TRIO: variants seen among roughly 807,000 people sequenced by gnomAD.
TRIO encodes trio Rho guanine nucleotide exchange factor.
Under a neutral mutation model 351.9 loss-of-function variants are expected in TRIO, and 58 were observed. The ratio of observed to expected loss-of-function variants is 0.16; its 90% CI spans 0.13 to 0.21. TRIO has a LOEUF of 0.21. Among genes scored for constraint, TRIO ranks in the 10% least tolerant of loss-of-function variants. TRIO has a pLI of 1.00. For missense variants in TRIO, 3,201 were observed against 4,027.8 expected (o/e 0.79, Z 5.56); for synonymous variants, 1,758 against 1,595.7 (o/e 1.10, Z -2.42).
chr5:14,484,778 GC>G (rs1755796604), intron 46 of TRIO, among the ~76,000 whole-genome samples: 1 of 151,366 alleles, frequency 6.6e-6, no homozygotes, highest in South Asian at 2.1e-4. Context: ...CCACCCCCAA[GC>G]CCCTGGCAAC....
intron 34 of TRIO, among the ~76,000 whole-genome samples, chr5:14,455,894 C>G (rs961486283): frequency 1.2e-4 from 18 of 152,276 alleles, no homozygotes; most frequent in African/African-American, 3.9e-4. Flanking sequence ...TGCACACCTG[C>G]ACTCCTCAGC....
chr5:14,363,479 A>G (rs1163953825), intron 13 of TRIO, among the ~76,000 whole-genome samples: 1 of 152,122 alleles, frequency 6.6e-6, no homozygotes, highest in East Asian at 1.9e-4. Flanking sequence ...AAAATTATTT[A>G]TCTTCTCTTT....
At chr5:14,228,526 A>G (rs1184415705) in intron 1 of TRIO, among the ~76,000 whole-genome samples, 2 of 152,270 alleles carry the variant, frequency 1.3e-5, no homozygotes, top group Non-Finnish European at 2.9e-5. Flanking sequence ...GTCACTCAGT[A>G]GCCCATCTCG....
intron 21 of TRIO, 63 bp downstream of exon 21, chr5:14,381,315 A>T: frequency 6.5e-7 from 1 of 1,527,978 alleles, no homozygotes. Flanking sequence ...CAAAAATATC[A>T]TAAAGAAATA....
chr5:14,400,304 A>T (rs931780190), intron 30 of TRIO, among the ~76,000 whole-genome samples: 1 of 152,116 alleles, frequency 6.6e-6, no homozygotes, highest in Non-Finnish European at 1.5e-5. Context: ...AGAAGTTAAG[A>T]TTCCCTCAGA....
intron 28 of TRIO, among the ~76,000 whole-genome samples, chr5:14,395,161 AAGT>A (rs1747452572): frequency 6.6e-6 from 1 of 152,232 alleles, no homozygotes; most frequent in African/African-American, 2.4e-5. Context: ...AGACAGTAAT[AAGT>A]AGCTACATCG....
In TRIO at chr5:14,403,453, TGTG is replaced by T. The variant is rs1274629355; in HGVS notation, c.4717-2391_4717-2389del. 1.4e-3 allele frequency among the ~76,000 whole-genome samples: 42 copies of T among 30,484 alleles called. 1 individual carries two copies. The highest frequency in any genetic ancestry group is 2.2e-3 in the Non-Finnish European group (33 of 15,326). 20.0% of individuals were successfully genotyped at this position (30,484 alleles called of 152,430 possible). On this transcript the variant is annotated intron_variant, in intron 31 of 56. Coordinates refer to ENST00000344204, the MANE Select transcript of TRIO (RefSeq NM_007118.4). ...TGTAGGTTGTGGTGAGGGTGTAGGT[TGTG>T]GTGAGGGTGCAGGTTGTGGTGAGGG...
chr5:14,260,914 A>G (rs1795305009), intron 1 of TRIO, among the ~76,000 whole-genome samples: 2 of 152,216 alleles, frequency 1.3e-5, no homozygotes, highest in Admixed American at 1.3e-4. Context: ...AAATGAATCA[A>G]CACAGAATAC....
chr5:14,481,738 C>A, intron 45 of TRIO, 120 bp downstream of exon 45: 12 of 687,894 alleles, frequency 1.7e-5, no homozygotes, highest in Non-Finnish European at 2.9e-5. Flanking sequence ...TGGCTTCTCT[C>A]ACTTTACCTC....
At chr5:14,400,322 T>C (rs987476408) in intron 30 of TRIO, among the ~76,000 whole-genome samples, 3 of 152,140 alleles carry the variant, frequency 2.0e-5, no homozygotes, top group South Asian at 2.1e-4. Flanking sequence ...AGAGGCTACC[T>C]CTGGAGCTCT....
chr5:14,481,335 C>A, intron 44 of TRIO, 51 bp downstream of exon 44: 1 of 1,605,654 alleles, frequency 6.2e-7, no homozygotes. Context: ...GCCTCTTTTC[C>A]TAATCCCCAA....
In TRIO at chr5:14,317,535, G is replaced by A. The variant is rs558976708; in HGVS notation, c.1731+792G>A. 7.2e-5 allele frequency among the ~76,000 whole-genome samples: 11 copies of A among 152,304 alleles called. No homozygotes were observed. The South Asian group carries it at 2.3e-3, about 32-fold the overall frequency. On this transcript the variant is annotated intron_variant, in intron 9 of 56. Coordinates refer to ENST00000344204, the MANE Select transcript of TRIO (RefSeq NM_007118.4). ...AGTAGAGCCACTCTCAGGATCTCAG[G>A]TTTCCATCTCCCTGAGTGTCATGTG...
intron 1 of TRIO, among the ~76,000 whole-genome samples, chr5:14,229,461 G>T (rs571614104): frequency 1.4e-4 from 22 of 152,316 alleles, no homozygotes; most frequent in African/African-American, 4.8e-4. Context: ...TCTTTTTTCT[G>T]TACTACTAGT....
intron 1 of TRIO, among the ~76,000 whole-genome samples, chr5:14,162,877 G>A (rs887169857): frequency 1.3e-5 from 2 of 152,084 alleles, no homozygotes; most frequent in Non-Finnish European, 2.9e-5. Context: ...CACGATCTTG[G>A]CTCACTGCAG....
At chr5:14,432,371 G>T (rs1413621818) in intron 34 of TRIO, among the ~76,000 whole-genome samples, 8 of 152,218 alleles carry the variant, frequency 5.3e-5, no homozygotes, top group Non-Finnish European at 1.0e-4. Flanking sequence ...GGAGGAAGCT[G>T]AAGCCCGTAG....
intron 4 of TRIO, among the ~76,000 whole-genome samples, chr5:14,289,708 G>T (rs1736747158): frequency 6.6e-6 from 1 of 151,320 alleles, no homozygotes; most frequent in South Asian, 2.1e-4. Flanking sequence ...GAATTAGCCT[G>T]GTGTGGTGGT....
chr5:14,231,565 G>T (rs538061439), intron 1 of TRIO, among the ~76,000 whole-genome samples: 3 of 152,258 alleles, frequency 2.0e-5, no homozygotes, highest in South Asian at 4.1e-4. Context: ...TCCTTAGCAC[G>T]TTCATTGCTA....
intron 24 of TRIO, 146 bp downstream of exon 24, chr5:14,388,825 G>A (rs910370222): frequency 2.9e-5 from 28 of 951,396 alleles, no homozygotes; most frequent in African/African-American, 6.7e-5. Flanking sequence ...TTCAGCAGCC[G>A]GTTTCATGTT....
At chr5:14,421,187 A>G (rs1381375737) in intron 34 of TRIO, among the ~76,000 whole-genome samples, 2 of 150,794 alleles carry the variant, frequency 1.3e-5, no homozygotes, top group African/African-American at 4.9e-5. Context: ...TCAGAACTGT[A>G]TCCATTTTTT....
Sources: allele counts gnomAD v4.1 joint callset (sites outside exome capture counted in the v4.1 genomes callset), GRCh38; gene constraint gnomAD v4.1.1; transcripts MANE v1.5; gene names NCBI Gene and HGNC (gene_info 2026-07-23, HGNC 2026-07-21).